Variants in THSD7B observed in about 807,000 individuals in gnomAD.
The protein encoded by THSD7B is thrombospondin type-1 domain-containing protein 7B.
THSD7B carries 138 observed loss-of-function variants against 213.6 expected under a neutral mutation model. The ratio of observed to expected loss-of-function variants is 0.65; its 90% CI spans 0.56 to 0.74. THSD7B has a LOEUF of 0.74. THSD7B is among the 30% of genes least tolerant of loss of function. THSD7B has a pLI of 0.00. For missense variants in THSD7B, 1,931 were observed against 1,991.5 expected, an observed-to-expected ratio of 0.97 and a Z score of 0.58; for synonymous variants, 742 against 687.0, an observed-to-expected ratio of 1.08 and a Z score of -1.25.
At chr2:137,230,369 C>G (rs1478397355) in intron 7 of THSD7B, among the ~76,000 whole-genome samples, 1 of 152,144 alleles carries the variant, frequency 6.6e-6, no homozygotes, top group Non-Finnish European at 1.5e-5. Flanking sequence ...TCCTTGACAT[C>G]TGGTGTGTTT....
chr2:137,281,549 C>T (rs1378947516), intron 12 of THSD7B, among the ~76,000 whole-genome samples: 1 of 150,822 alleles, frequency 6.6e-6, no homozygotes, highest in African/African-American at 2.4e-5. Context: ...CCAATGCTAT[C>T]CCCCCACCCC....
chr2:136,785,780 T>C (rs1412196628), intron 1 of THSD7B, among the ~76,000 whole-genome samples: 1 of 152,234 alleles, frequency 6.6e-6, no homozygotes, highest in Non-Finnish European at 1.5e-5. Flanking sequence ...CCTCACTTGA[T>C]ACCCAATACA....
intron 15 of THSD7B, among the ~76,000 whole-genome samples, chr2:137,508,917 C>A (rs1407194298): frequency 6.6e-6 from 1 of 152,028 alleles, no homozygotes; most frequent in Admixed American, 6.5e-5. Flanking sequence ...TGTTTTCTGC[C>A]TCAGGGCACT....
At chr2:136,926,512 G>A (rs2039405225) in intron 2 of THSD7B, among the ~76,000 whole-genome samples, 1 of 151,950 alleles carries the variant, frequency 6.6e-6, no homozygotes, top group South Asian at 2.1e-4. Context: ...GGGCAACGTG[G>A]CAAAACCCTG....
chr2:137,320,961 T>C (rs561466630), intron 12 of THSD7B, among the ~76,000 whole-genome samples: 169 of 152,384 alleles, frequency 1.1e-3, no homozygotes, highest in Non-Finnish European at 2.4e-4. Context: ...AGAGGCTTTC[T>C]GGCTTTGAGC....
At chr2:136,933,105 G>A (rs537370274) in intron 2 of THSD7B, among the ~76,000 whole-genome samples, 21 of 94,590 alleles carry the variant, frequency 2.2e-4, no homozygotes, top group African/African-American at 6.3e-4. Flanking sequence ...TATTTTGCCC[G>A]CCATTCCTTC....
At chr2:137,548,728 A>G (rs1484668053) in intron 15 of THSD7B, among the ~76,000 whole-genome samples, 1 of 152,024 alleles carries the variant, frequency 6.6e-6, no homozygotes, top group Non-Finnish European at 1.5e-5. Flanking sequence ...CTTTCAAAGT[A>G]TAGTAGTTCA....
At chr2:136,879,020 G>A (rs74419050) in intron 1 of THSD7B, among the ~76,000 whole-genome samples, 12,118 of 152,066 alleles carry the variant, frequency 0.08, 577 homozygotes, top group Middle Eastern at 0.15. Flanking sequence ...GTATTGCCTG[G>A]GTTTTCTTCT....
chr2:136,972,121 C>CT (rs1341095470), intron 2 of THSD7B, among the ~76,000 whole-genome samples: 1 of 152,044 alleles, frequency 6.6e-6, no homozygotes, highest in Non-Finnish European at 1.5e-5. Flanking sequence ...CAACCAATCA[C>CT]TGTCAAGGAG....
At chr2:136,821,765 C>T (rs1028800063) in intron 1 of THSD7B, among the ~76,000 whole-genome samples, 1 of 152,118 alleles carries the variant, frequency 6.6e-6, no homozygotes, top group African/African-American at 2.4e-5. Flanking sequence ...GCTCCAGCTC[C>T]AAACTCAGGG....
At chr2:137,019,581 C>T (rs190658005) in intron 2 of THSD7B, among the ~76,000 whole-genome samples, 2 of 152,320 alleles carry the variant, frequency 1.3e-5, no homozygotes, top group South Asian at 2.1e-4. Context: ...TATCGCCAGC[C>T]TATCCTTTGC....
chr2:136,995,349 TG>T (rs1380458164), intron 2 of THSD7B, among the ~76,000 whole-genome samples: 1 of 152,070 alleles, frequency 6.6e-6, no homozygotes, highest in Admixed American at 6.5e-5. Context: ...CAGAGACTCA[TG>T]GACCAGCAAA....
chr2:137,163,410 A>G (rs1573861587), intron 6 of THSD7B, among the ~76,000 whole-genome samples: 1 of 152,202 alleles, frequency 6.6e-6, no homozygotes, highest in South Asian at 2.1e-4. Context: ...TCTTGCAAGA[A>G]GAGGAAAATT....
At chr2:136,891,978 C>T (rs918511759) in intron 2 of THSD7B, among the ~76,000 whole-genome samples, 6 of 152,096 alleles carry the variant, frequency 3.9e-5, no homozygotes, top group Admixed American at 3.9e-4. Context: ...ACATAGCTGG[C>T]ACCTGGGCTG....
At chr2:136,999,455 T>C (rs1412339947) in intron 2 of THSD7B, among the ~76,000 whole-genome samples, 1 of 151,492 alleles carries the variant, frequency 6.6e-6, no homozygotes, top group African/African-American at 2.4e-5. Flanking sequence ...AGATTTAAAT[T>C]AGGTATCTTG....
chr2:136,903,925 GGTGTGTGT>G (rs775988420), intron 2 of THSD7B, among the ~76,000 whole-genome samples: 1 of 108,724 alleles, frequency 9.2e-6, no homozygotes, highest in African/African-American at 3.4e-5. Context: ...CTTCCTGTGA[GGTGTGTGT>G]GTGTGTGTGT....
chr2:137,095,033 A>G lies in THSD7B; in HGVS notation c.1111A>G (p.Met371Val), dbSNP rs377100929. 8.7e-6 allele frequency: 14 copies of G among 1,613,714 alleles called. No homozygotes were observed. The African/African-American group carries it at 1.1e-4, about 12-fold the overall frequency. Residue 371 changes from methionine (M) to valine (V), a missense_variant, in exon 4 of 28, where the codon ATG becomes GTG. Transcript: ENST00000409968. ...GAGCAGGAGCCGGAACGTGAAGCAC[A>G]TGGCTATTGGAGGTGGAAAGGAGTG... is the stretch of plus-strand genomic sequence containing the variant. The part of the protein sequence containing the change: ...FRSRSRNVKH[M>V]AIGGGKECPE...
chr2:137,267,128 AAT>A (rs1487411013), intron 10 of THSD7B, among the ~76,000 whole-genome samples: 4 of 152,180 alleles, frequency 2.6e-5, no homozygotes, highest in African/African-American at 9.7e-5. Context: ...TTCTGTGGTA[AAT>A]ATGTTTCTTA....
At chr2:137,225,976 G>C (rs192657487) in intron 7 of THSD7B, among the ~76,000 whole-genome samples, 2 of 151,782 alleles carry the variant, frequency 1.3e-5, no homozygotes, top group African/African-American at 4.8e-5. Context: ...TCCAGAAGTG[G>C]CCAGGTGCTA....
Sources: gnomAD v4.1 joint callset for allele counts (sites outside exome capture counted in the v4.1 genomes callset) on GRCh38, gnomAD v4.1.1 for gene constraint, MANE v1.5 for transcripts, NCBI Gene and HGNC (gene_info 2026-07-23, HGNC 2026-07-21) for gene names.